The following MEX3C variants were observed in gnomAD, a reference collection of about 807,000 sequenced individuals.
MEX3C encodes mex-3 RNA binding family member C.
Under a neutral mutation model 35.5 loss-of-function variants are expected in MEX3C, and 15 were observed. That is an observed-to-expected ratio of 0.42 (90% CI 0.28 to 0.65). The LOEUF is 0.65. Ranked by LOEUF, MEX3C falls within the 30% of genes least tolerant of loss-of-function variation. The pLI is 0.20. For missense variants in MEX3C, 711 were observed against 842.8 expected, an observed-to-expected ratio of 0.84 and a Z score of 1.94; for synonymous variants, 390 against 352.8, an observed-to-expected ratio of 1.11 and a Z score of -1.18.
At position 51,174,918 on chromosome 18, in the gene MEX3C, G is replaced by A. The variant is rs943084278; in HGVS notation, c.*1433C>T. On this transcript the variant is annotated 3_prime_UTR_variant, in exon 2 of 2. Transcript: ENST00000406189. Reference sequence around the variant, plus strand: ...CAAAATACATGCTTGGTGAACATTCGTTCATATCTACAAGACGGCAGCTAG... The same window carrying A: ...CAAAATACATGCTTGGTGAACATTCATTCATATCTACAAGACGGCAGCTAG... 1 of 152,470 alleles carries A rather than the reference G, an allele frequency of 6.6e-6. No homozygotes were observed. Among genetic ancestry groups the A allele is most frequent in the Non-Finnish European group, 1.5e-5 (1 of 68,012 alleles). 9.4% of individuals were successfully genotyped at this position (152,470 alleles called of 1,614,324 possible).
chr18:51,185,321 G>A (rs1008287789), intron 1 of MEX3C, among the ~76,000 whole-genome samples: 2 of 152,094 alleles, frequency 1.3e-5, no homozygotes, highest in African/African-American at 4.8e-5. Context: ...TCTTCAGAGC[G>A]AGCAATGGAG....
chr18:51,176,236 A>T lies in MEX3C; in HGVS notation c.*115T>A, dbSNP rs1030623094. The T allele has an allele frequency of 1.4e-5, 15 of 1,091,330 alleles. No homozygotes were observed. Among genetic ancestry groups the T allele is most frequent in the Non-Finnish European group, 1.8e-5 (14 of 785,870 alleles). The allele number at this position is 1,091,330 out of a possible 1,614,324, so 67.6% of individuals were successfully genotyped here. A position where few individuals can be genotyped will look rare whatever the true frequency, so the allele number is the denominator to read the frequency against. On this transcript the variant is annotated 3_prime_UTR_variant, in exon 2 of 2. Coordinates refer to ENST00000406189, the MANE Select transcript of MEX3C (RefSeq NM_016626.5). ...TTACTAACAACTTTAGCCTAATCCC[A>T]ATAAAGCCTGATAACAGTCATAAGA...
chr18:51,193,211 G>C (rs887745701), intron 1 of MEX3C: 1 of 151,722 alleles, frequency 6.6e-6, no homozygotes, highest in Non-Finnish European at 1.5e-5. Context: ...TTTTGGACAG[G>C]GTGTACAATA....
Position 51,196,680 on chromosome 18 carries a change from GCCGCCGCC to G in MEX3C, c.633_640del (p.Ala212GlyfsTer40). On this transcript the variant is annotated frameshift_variant, in exon 1 of 2. Coordinates refer to ENST00000406189, the MANE Select transcript of MEX3C (RefSeq NM_016626.5). LOFTEE classifies it high-confidence loss of function. The stretch of plus-strand genomic sequence containing the variant: ...CGCCTGCTCCCCGTTCAGGGCGGCC[GCCGCCGCC>G]CCACAACCGCCGGGGCCGTAGGCGT... 1 of 1,545,396 alleles carries G rather than the reference GCCGCCGCC, an allele frequency of 6.5e-7. No homozygotes were observed. The highest frequency in any genetic ancestry group is 8.7e-7 in the Non-Finnish European group (1 of 1,150,934).
rs1429389108 is a variant in MEX3C, at chr18:51,176,481, A to G, written c.1850T>C (p.Ile617Thr). 4 of 1,614,034 alleles carry G rather than the reference A, an allele frequency of 2.5e-6. No individual in the cohort carries two copies. The highest frequency in any genetic ancestry group is 8.5e-7 in the Non-Finnish European group (1 of 1,179,888). The stretch of plus-strand genomic sequence containing the variant: ...GTGGCCACATGGAACTAGGGCAGCA[A>G]TAACCTCATTCTCAAAGCAAATCAC... ...DCVICFENEVIAALVPCGHNL... is the reference protein window; with the variant it reads ...DCVICFENEVTAALVPCGHNL... The change falls in exon 2 of 2, where the codon ATT becomes ACT. Residue 617 changes from isoleucine to threonine, a missense_variant. By Grantham distance (89) the Ile-to-Thr change is moderately conservative (BLOSUM62 -1). This residue lies in a region of MEX3C where 87 missense variants were observed against 150.4 expected (regional missense o/e 0.58). Transcript: ENST00000406189.
intron 1 of MEX3C, among the ~76,000 whole-genome samples, chr18:51,183,047 T>C (rs973020808): frequency 2.6e-5 from 4 of 152,186 alleles, no homozygotes; most frequent in African/African-American, 4.8e-5. Context: ...TGTGGCATTA[T>C]TGAGAAAACC....
Position 51,177,145 on chromosome 18 carries a change from C to G in MEX3C, c.1186G>C (p.Gly396Arg), listed in dbSNP as rs1003188119. 5 of 1,613,768 alleles carry G rather than the reference C, an allele frequency of 3.1e-6. No homozygotes were observed. Among genetic ancestry groups the G allele is most frequent in the Non-Finnish European group, 4.2e-6 (5 of 1,179,904 alleles). ...EIEMHIAMRT[G>R]NYIELNEEND... ...TCTTCATTGAGCTCTATATAGTTTC[C>G]TGTACGCATGGCAATATGCATTTCT... The change falls in exon 2 of 2, where the codon GGA (glycine) becomes CGA (arginine). Residue 396 changes from glycine (G) to arginine (R), a missense_variant. By Grantham distance (125) the Gly-to-Arg change is moderately radical. Coordinates refer to ENST00000406189, the MANE Select transcript of MEX3C (RefSeq NM_016626.5). The surrounding 1 kb of genome is among the most constrained non-coding windows in gnomAD (Gnocchi z 4.2).
rs554909276 is a variant in MEX3C, at chr18:51,197,643, C to CGCG, written c.-326_-324dup. On this transcript the variant is annotated 5_prime_UTR_variant, in exon 1 of 2. Transcript: ENST00000406189. ...ATGGCCTTAACCAGCCCCCGGCGCG[C>CGCG]GCGGCGGCGGCGGCTACGCCCCACG... Among the ~76,000 whole-genome samples the CGCG allele has an allele frequency of 4.1e-3, 615 of 149,520 alleles. 3 individuals carry two copies. The highest frequency in any genetic ancestry group is 0.014 in the African/African-American group (570 of 40,592).
At chr18:51,182,718 C>T (rs1160629913) in intron 1 of MEX3C, among the ~76,000 whole-genome samples, 8 of 152,174 alleles carry the variant, frequency 5.3e-5, no homozygotes. Context: ...GAAATTAAGA[C>T]GGGGAGGTCC....
rs149407233 is a variant in MEX3C at position 51,175,287 on chromosome 18, T to C, written c.*1064A>G. 1,405 of 152,722 alleles carry C rather than the reference T, an allele frequency of 9.2e-3. 4 individuals carry two copies. The highest frequency in any genetic ancestry group is 0.016 in the Non-Finnish European group (1,057 of 68,030). 9.5% of individuals were successfully genotyped at this position (152,722 alleles called of 1,614,324 possible). ...TGGGAACATACTGAGGATGAAGTTA[T>C]AGACATCCACAGGTGAAATGTACGA... is the stretch of plus-strand genomic sequence containing the variant. On this transcript the variant is annotated 3_prime_UTR_variant, in exon 2 of 2. Coordinates refer to ENST00000406189, the MANE Select transcript of MEX3C (RefSeq NM_016626.5).
rs141416640 is a variant in MEX3C at position 51,183,040 on chromosome 18, G to C, written c.755-5464C>G. 8.3e-4 allele frequency among the ~76,000 whole-genome samples: 127 copies of C among 152,274 alleles called. 1 individual carries two copies. In the Middle Eastern group the frequency reaches 0.014, roughly 16 times the overall value. On this transcript the variant is annotated intron_variant, in intron 1 of 1. Transcript: ENST00000406189. Reference sequence around the variant, plus strand: ...AGTGATAGTGAAAAGGAGGGAGTGTGGCATTATTGAGAAAACCTGGGTTTA... The same window carrying C: ...AGTGATAGTGAAAAGGAGGGAGTGTCGCATTATTGAGAAAACCTGGGTTTA...
intron 1 of MEX3C, among the ~76,000 whole-genome samples, chr18:51,184,031 C>G (rs1028994030): frequency 6.6e-6 from 1 of 151,632 alleles, no homozygotes; most frequent in Admixed American, 6.6e-5. Flanking sequence ...CCTAGCATGA[C>G]TCAGAAGAGA....
chr18:51,176,910 C>CTAAA lies in MEX3C; in HGVS notation c.1417_1420dup (p.Ser474IlefsTer2). 1 of 1,613,972 alleles carries CTAAA rather than the reference C, an allele frequency of 6.2e-7. No individual in the cohort carries two copies. Among genetic ancestry groups the CTAAA allele is most frequent in the Non-Finnish European group, 8.5e-7 (1 of 1,179,888 alleles). ...ATCTCCAAACCAGAAGTTTCCTGTGCTAAATGGGCTTGTTGGACTAAAGTC... is the reference window on the plus strand; with the variant it reads ...ATCTCCAAACCAGAAGTTTCCTGTGCTAAATAAATGGGCTTGTTGGACTAAAGTC... On this transcript the variant is annotated stop_gained and frameshift_variant, in exon 2 of 2. Coordinates refer to ENST00000406189, the MANE Select transcript of MEX3C (RefSeq NM_016626.5). LOFTEE classifies it high-confidence loss of function.
At chr18:51,183,284 G>A (rs73960375) in intron 1 of MEX3C, among the ~76,000 whole-genome samples, 6 of 152,120 alleles carry the variant, frequency 3.9e-5, no homozygotes, top group East Asian at 1.9e-4. Context: ...TTTAAACCAC[G>A]GTTCATTTAG....
Position 51,196,932 on chromosome 18 carries a change from A to G in MEX3C, c.389T>C (p.Leu130Pro), listed in dbSNP as rs1221235599. 6 of 1,543,424 alleles carry G rather than the reference A, an allele frequency of 3.9e-6. No individual in the cohort carries two copies. The highest frequency in any genetic ancestry group is 1.2e-5 in the South Asian group (1 of 83,788). Residue 130 changes from leucine (L) to proline (P), a missense_variant, in exon 1 of 2, where the codon CTG becomes CCG. Coordinates refer to ENST00000406189, the MANE Select transcript of MEX3C (RefSeq NM_016626.5). ...CCGGTCCTCCTCCTCTGCTTCCTCCAGCTCCTCCTCCTCCAGCAGGTCTCC... is the reference window on the plus strand; with the variant it reads ...CCGGTCCTCCTCCTCTGCTTCCTCCGGCTCCTCCTCCTCCAGCAGGTCTCC... ...LDGDLLEEEE[L>P]EEAEEEDRSS...
At chr18:51,182,578 T>A (rs1274111255) in intron 1 of MEX3C, among the ~76,000 whole-genome samples, 1 of 152,198 alleles carries the variant, frequency 6.6e-6, no homozygotes, top group Non-Finnish European at 1.5e-5. Context: ...TACATCACTG[T>A]TGCTGGGGCT....
intron 1 of MEX3C, among the ~76,000 whole-genome samples, chr18:51,184,813 C>T (rs947411248): frequency 1.3e-5 from 2 of 151,664 alleles, no homozygotes; most frequent in Admixed American, 6.6e-5. Flanking sequence ...GATCCGAGAT[C>T]GTGCCACTGC....
At position 51,176,731 on chromosome 18, in the gene MEX3C, G is replaced by A. The variant is rs763476697; in HGVS notation, c.1600C>T (p.Arg534Cys). Residue 534 changes from arginine to cysteine, a missense_variant, in exon 2 of 2, where the codon CGC becomes TGC. Transcript: ENST00000406189. ...GGAGTAGATGGCTGACTTCCTCTGC[G>A]CTGAGTCTTCATGTTACCAGAAGGA... ...SDPSGNMKTQRRGSQPSTPRL... is the reference protein window; with the variant it reads ...SDPSGNMKTQCRGSQPSTPRL... 2.1e-4 allele frequency: 341 copies of A among 1,613,866 alleles called. No individual in the cohort carries two copies. The highest frequency in any genetic ancestry group is 3.8e-4 in the East Asian group (17 of 44,888).
chr18:51,194,393 T>A (rs1484615999), intron 1 of MEX3C: 1 of 152,214 alleles, frequency 6.6e-6, no homozygotes. Context: ...ATAATTAAAT[T>A]CAACATTTCC....
Sources: gnomAD v4.1 joint callset for allele counts (sites outside exome capture counted in the v4.1 genomes callset) on GRCh38, gnomAD v4.1.1 for gene constraint, gnomAD v4.1.1 regional missense constraint, Gnocchi (gnomAD v3.1) non-coding constraint, MANE v1.5 for transcripts, NCBI Gene and HGNC (gene_info 2026-07-23, HGNC 2026-07-21) for gene names.